The following DCX variants were observed in gnomAD, a reference collection of about 807,000 sequenced individuals.
DCX encodes the protein doublecortin.
A neutral mutation model predicts 20.9 loss-of-function variants in DCX; 4 were observed. That is an observed-to-expected ratio of 0.19 (90% CI 0.09 to 0.44). The LOEUF (loss-of-function observed/expected upper bound fraction) is 0.44, where lower values mean the gene tolerates loss of function less well. Ranked by LOEUF, DCX falls within the 20% of genes least tolerant of loss-of-function variation. The pLI, the probability that DCX is intolerant of heterozygous loss-of-function variation, is 0.99. For missense variants in DCX, 133 were observed against 296.9 expected (o/e 0.45, Z 4.06); for synonymous variants, 103 against 111.4 (o/e 0.92, Z 0.47).
At position 111,339,503 on chromosome X, in the gene DCX, C is replaced by T. The variant is rs181243447; in HGVS notation, c.706-6350G>A. Among the ~76,000 whole-genome samples, 250 of 111,884 alleles carry T rather than the reference C, an allele frequency of 2.2e-3. 1 individual carries two copies. Among genetic ancestry groups the T allele is most frequent in the Non-Finnish European group, 3.7e-3 (197 of 53,214 alleles). ...GTCCCTACCAGCAAGAAGGCCCTCA[C>T]CAGATTTGGCCCCTTGACCTTGAAC... On this transcript the variant is annotated intron_variant, in intron 3 of 6. Transcript: ENST00000636035.
rs767800510 is a variant in DCX, at chrX:111,301,217, G to A, written c.*470C>T. On this transcript the variant is annotated 3_prime_UTR_variant, in exon 7 of 7. Coordinates refer to ENST00000636035, the MANE Select transcript of DCX (RefSeq NM_001195553.2). ...GGGAGCTGCCTTGCTGTCCTTCCAGGGTCCTCCACCATTCTTGAGATCCAG... is the reference window on the plus strand; with the variant it reads ...GGGAGCTGCCTTGCTGTCCTTCCAGAGTCCTCCACCATTCTTGAGATCCAG... The A allele has an allele frequency of 1.1e-4, 15 of 131,994 alleles. No homozygotes were observed. The South Asian group carries it at 2.0e-3, about 18-fold the overall frequency. 10.9% of individuals were successfully genotyped at this position (131,994 alleles called of 1,213,427 possible). A position where few individuals can be genotyped will look rare whatever the true frequency, so the allele number is the denominator to read the frequency against.
Position 111,294,070 on chromosome X carries a change from G to C in DCX, c.*7617C>G, listed in dbSNP as rs1296918093. ...GTGTTACAGGCACAGGAGATGAAAAGGGTCTGCTCCAGCTGGTTTATGGGG... is the reference window on the plus strand; with the variant it reads ...GTGTTACAGGCACAGGAGATGAAAACGGTCTGCTCCAGCTGGTTTATGGGG... On this transcript the variant is annotated 3_prime_UTR_variant, in exon 7 of 7. Coordinates refer to ENST00000636035, the MANE Select transcript of DCX (RefSeq NM_001195553.2). 8.9e-6 allele frequency: 1 copy of C among 111,904 alleles called. No homozygotes were observed. Among genetic ancestry groups the C allele is most frequent in the Non-Finnish European group, 1.9e-5 (1 of 53,164 alleles). The allele number at this position is 111,904 out of a possible 1,213,427, so 9.2% of individuals were successfully genotyped here.
chrX:111,345,553 A>G (rs934781180), intron 3 of DCX, among the ~76,000 whole-genome samples: 1 of 111,625 alleles, frequency 9.0e-6, no homozygotes, highest in Non-Finnish European at 1.9e-5. Flanking sequence ...TACAAGAAAA[A>G]AACAAACAAC....
Position 111,340,962 on chromosome X carries a change from G to T in DCX, c.706-7809C>A, listed in dbSNP as rs186889393. Among the ~76,000 whole-genome samples, 332 of 111,019 alleles carry T rather than the reference G, an allele frequency of 3.0e-3. 1 individual carries two copies. The highest frequency in any genetic ancestry group is 4.0e-3 in the Non-Finnish European group (212 of 53,057). ...ATGAAAAAATGCTGAAAACCCAAAA[G>T]CCCAGAGTTCCTCTTCTCCAAATGT... On this transcript the variant is annotated intron_variant, in intron 3 of 6. Coordinates refer to ENST00000636035, the MANE Select transcript of DCX (RefSeq NM_001195553.2).
intron 3 of DCX, among the ~76,000 whole-genome samples, chrX:111,393,557 A>G (rs1927109415): frequency 8.9e-6 from 1 of 112,019 alleles, no homozygotes; most frequent in South Asian, 3.7e-4. Context: ...GCTACAGACT[A>G]GCAGAAAATT....
At chrX:111,305,771 A>G (rs1207076140) in intron 6 of DCX, among the ~76,000 whole-genome samples, 1 of 110,925 alleles carries the variant, frequency 9.0e-6, no homozygotes, top group East Asian at 2.8e-4. Flanking sequence ...ATAAAGATGT[A>G]ATTTGTATGT....
intron 5 of DCX, among the ~76,000 whole-genome samples, chrX:111,319,391 T>G (rs969320655): frequency 9.0e-6 from 1 of 111,157 alleles, no homozygotes; most frequent in Non-Finnish European, 1.9e-5. Context: ...AGAGGCCAGA[T>G]AAGCATAGAG....
chrX:111,369,810 T>C lies in DCX; in HGVS notation c.705+31180A>G, dbSNP rs757672399. Among the ~76,000 whole-genome samples the C allele has an allele frequency of 4.5e-5, 5 of 111,714 alleles. No homozygotes were observed. The East Asian group carries it at 1.4e-3, about 32-fold the overall frequency. ...AAAGGATGCATCTTTCAAATGGAAA[T>C]CTGCTGAAGGGCATTCTTTTCTGGC... On this transcript the variant is annotated intron_variant, in intron 3 of 6. Transcript: ENST00000636035.
At chrX:111,343,937 G>A (rs1480092150) in intron 3 of DCX, among the ~76,000 whole-genome samples, 2 of 110,338 alleles carry the variant, frequency 1.8e-5, no homozygotes, top group African/African-American at 3.3e-5. Flanking sequence ...AGTGGAGATC[G>A]CGCCACTGCA....
At chrX:111,321,684 T>C in intron 5 of DCX, among the ~76,000 whole-genome samples, 1 of 111,143 alleles carries the variant, frequency 9.0e-6, no homozygotes, top group Middle Eastern at 4.6e-3. Flanking sequence ...GCAGAGTGGA[T>C]GCTAAACTCC....
intron 3 of DCX, among the ~76,000 whole-genome samples, chrX:111,364,641 C>A (rs747284239): frequency 9.0e-6 from 1 of 111,688 alleles, no homozygotes; most frequent in East Asian, 2.8e-4. Flanking sequence ...TTTGTAATAG[C>A]CTCAAACTGG....
At position 111,410,173 on chromosome X, in the gene DCX, G is replaced by T. The variant is rs587783534; in HGVS notation, c.226C>A (p.Arg76Ser). The change falls in exon 2 of 7, where the codon CGT becomes AGT. Residue 76 changes from arginine (R) to serine (S), a missense_variant. By Grantham distance (110) the Arg-to-Ser change is moderately radical. Coordinates refer to ENST00000636035, the MANE Select transcript of DCX (RefSeq NM_001195553.2). The stretch of plus-strand genomic sequence containing the variant: ...AGCAAGGCGTCAAAGCTGCGAAAAC[G>T]GTCAGAGGACACAGCGTACACAATC... ...KGIVYAVSSD[R>S]FRSFDALLAD... The T allele has an allele frequency of 8.3e-7, 1 of 1,211,632 alleles. No homozygotes were observed.
chrX:111,385,718 CAAGGAAGG>C (rs200945198), intron 3 of DCX, among the ~76,000 whole-genome samples: 3 of 82,016 alleles, frequency 3.7e-5, no homozygotes, highest in Non-Finnish European at 4.7e-5. Context: ...AGCAAGAAAG[CAAGGAAGG>C]AAGGAAGGAA....
chrX:111,392,668 G>A (rs1032866572), intron 3 of DCX, among the ~76,000 whole-genome samples: 2 of 111,659 alleles, frequency 1.8e-5, no homozygotes, highest in Admixed American at 1.9e-4. Context: ...TAGAGGGTAG[G>A]AGAGGTAATA....
At chrX:111,339,993 C>T (rs1922080008) in intron 3 of DCX, among the ~76,000 whole-genome samples, 1 of 112,801 alleles carries the variant, frequency 8.9e-6, no homozygotes, top group Admixed American at 9.3e-5. Flanking sequence ...CCATGCCCCA[C>T]AAATACCTAT....
At chrX:111,389,205 T>A (rs910542137) in intron 3 of DCX, among the ~76,000 whole-genome samples, 2 of 111,886 alleles carry the variant, frequency 1.8e-5, no homozygotes, top group Non-Finnish European at 3.8e-5. Context: ...TAAATCTTTA[T>A]CTGAAACAGA....
At chrX:111,400,311 T>C (rs1401273697) in intron 3 of DCX, among the ~76,000 whole-genome samples, 3 of 111,929 alleles carry the variant, frequency 2.7e-5, no homozygotes, top group Non-Finnish European at 5.6e-5. Flanking sequence ...ACTTTAGTAG[T>C]ATAACCAATG....
At chrX:111,341,414 G>A (rs921871370) in intron 3 of DCX, among the ~76,000 whole-genome samples, 1 of 111,132 alleles carries the variant, frequency 9.0e-6, no homozygotes, top group Non-Finnish European at 1.9e-5. Context: ...GTACATAAAG[G>A]AGACAGGGAG....
At chrX:111,403,360 T>C (rs1485524069) in intron 2 of DCX, among the ~76,000 whole-genome samples, 1 of 112,136 alleles carries the variant, frequency 8.9e-6, no homozygotes, top group Admixed American at 9.4e-5. Context: ...ATTAGGACTT[T>C]GGACTTTTTT....
Sources: allele counts gnomAD v4.1 joint callset (sites outside exome capture counted in the v4.1 genomes callset), GRCh38; gene constraint gnomAD v4.1.1; transcripts MANE v1.5; gene names NCBI Gene and HGNC (gene_info 2026-07-23, HGNC 2026-07-21).